MED12L: variants seen among roughly 807,000 people sequenced by gnomAD.
MED12L encodes the protein mediator complex subunit 12L.
Under a neutral mutation model 281.3 loss-of-function variants are expected in MED12L, and 60 were observed. The observed-to-expected ratio is 0.21, with a 90% confidence interval of 0.17 to 0.26. MED12L has a LOEUF of 0.26. MED12L is among the 10% of genes least tolerant of loss of function. The pLI is 1.00. For synonymous variants in MED12L, 974 were observed against 987.2 expected, an observed-to-expected ratio of 0.99 and a Z score of 0.25; for missense variants, 2,146 against 2,680.9, an observed-to-expected ratio of 0.80 and a Z score of 4.41.
intron 16 of MED12L, chr3:151,198,568 C>T (rs753739105): frequency 1.4e-5 from 23 of 1,613,852 alleles, no homozygotes; most frequent in Non-Finnish European, 1.9e-5. Flanking sequence ...TCGACACAGC[C>T]AGGAGCAGTG....
rs1371518307 is a variant in MED12L, at chr3:151,368,137, C to G, written c.3449-13C>G. 6 of 1,609,524 alleles carry G rather than the reference C, an allele frequency of 3.7e-6. No individual in the cohort carries two copies. The highest frequency in any genetic ancestry group is 5.1e-6 in the Non-Finnish European group (6 of 1,176,238). ...GTGTTAGAAAACTTGCTTTTCCAAT[C>G]CCCCTTTCCTAGCTTGTGGGGATGC... On this transcript the variant is annotated splice_polypyrimidine_tract_variant and intron_variant, in intron 24 of 44. Coordinates refer to ENST00000687756, the MANE Select transcript of MED12L (RefSeq NM_001393769.1).
intron 11 of MED12L, among the ~76,000 whole-genome samples, chr3:151,175,235 A>G (rs754944202): frequency 9.2e-5 from 14 of 152,166 alleles, no homozygotes; most frequent in Non-Finnish European, 1.9e-4. Context: ...TAATATAACT[A>G]CACTACATAT....
chr3:151,246,213 T>G (rs1411200711), intron 16 of MED12L, among the ~76,000 whole-genome samples: 1 of 152,174 alleles, frequency 6.6e-6, no homozygotes, highest in Admixed American at 6.5e-5. Flanking sequence ...ATTTATAGAT[T>G]CAATGCCATC....
At chr3:151,218,502 A>G (rs763324569) in intron 16 of MED12L, among the ~76,000 whole-genome samples, 1 of 152,232 alleles carries the variant, frequency 6.6e-6, no homozygotes, top group Non-Finnish European at 1.5e-5. Context: ...GGCTTTAGGA[A>G]TATAAACAAT....
chr3:151,401,594 C>T (rs765253151), intron 39 of MED12L, among the ~76,000 whole-genome samples: 3 of 151,906 alleles, frequency 2.0e-5, no homozygotes, highest in Non-Finnish European at 2.9e-5. Context: ...TCAGGTTTTC[C>T]CTTTTGTAAA....
At chr3:151,326,888 G>A (rs1412394063) in intron 16 of MED12L, 2 of 152,108 alleles carry the variant, frequency 1.3e-5, no homozygotes, top group Admixed American at 6.5e-5. Context: ...AAGGATGCAA[G>A]AAAAAATACC....
intron 16 of MED12L, chr3:151,212,115 G>T (rs1727267388): frequency 6.6e-6 from 1 of 152,152 alleles, no homozygotes; most frequent in Non-Finnish European, 1.5e-5. Flanking sequence ...AGAAAAAATA[G>T]ACAGTATTAA....
At chr3:151,312,253 T>G (rs890878038) in intron 16 of MED12L, among the ~76,000 whole-genome samples, 1 of 152,234 alleles carries the variant, frequency 6.6e-6, no homozygotes, top group African/African-American at 2.4e-5. Flanking sequence ...GCCTACAGTC[T>G]AGAGGCAACA....
Position 151,123,084 on chromosome 3 carries a change from A to G in MED12L, c.396+110A>G, listed in dbSNP as rs1042486494. 8.5e-6 allele frequency: 8 copies of G among 941,818 alleles called. 1 individual carries two copies. The highest frequency in any genetic ancestry group is 3.8e-5 in the South Asian group (2 of 53,028). The allele number at this position is 941,818 out of a possible 1,614,324, so 58.3% of individuals were successfully genotyped here. A position where few individuals can be genotyped will look rare whatever the true frequency, so the allele number is the denominator to read the frequency against. On this transcript the variant is annotated intron_variant, in intron 4 of 44. Transcript: ENST00000687756. ...CAATTCTTTTTGAGACTGCAAGCCT[A>G]TTGGCAGGTTTGTGGTCCCAGGTGG...
Position 151,295,118 on chromosome 3 carries a change from A to G in MED12L, c.2251-54941A>G, listed in dbSNP as rs368070708. Reference sequence around the variant, plus strand: ...AATGAGATAAAGCACCGGCAAGACAATTGTGTCAAATTCATTGTGAAGGGT... The same window carrying G: ...AATGAGATAAAGCACCGGCAAGACAGTTGTGTCAAATTCATTGTGAAGGGT... On this transcript the variant is annotated intron_variant, in intron 16 of 44. Transcript: ENST00000687756. 2.2e-5 allele frequency: 35 copies of G among 1,613,358 alleles called. No homozygotes were observed. The highest frequency in any genetic ancestry group is 1.6e-4 in the Middle Eastern group (1 of 6,084).
chr3:151,229,618 A>G (rs983128398), intron 16 of MED12L, among the ~76,000 whole-genome samples: 2 of 151,534 alleles, frequency 1.3e-5, no homozygotes, highest in African/African-American at 4.9e-5. Flanking sequence ...AGCTGGGACT[A>G]CAGGCGCCCA....
intron 39 of MED12L, among the ~76,000 whole-genome samples, chr3:151,404,094 T>C (rs2108312080): frequency 6.6e-6 from 1 of 152,352 alleles, no homozygotes; most frequent in East Asian, 1.9e-4. Flanking sequence ...ACTGGCTTTT[T>C]AAAAAATGTT....
chr3:151,120,299 A>G (rs1376484255), intron 3 of MED12L, among the ~76,000 whole-genome samples: 1 of 152,150 alleles, frequency 6.6e-6, no homozygotes, highest in Non-Finnish European at 1.5e-5. Context: ...GCGGGAGTAC[A>G]CAACTCTATA....
chr3:151,287,498 G>A (rs371044926), intron 16 of MED12L, among the ~76,000 whole-genome samples: 1 of 152,148 alleles, frequency 6.6e-6, no homozygotes, highest in African/African-American at 2.4e-5. Flanking sequence ...GTATATGATG[G>A]TATTGTTAAG....
At chr3:151,382,808 C>A in intron 33 of MED12L, 63 bp downstream of exon 33, 1 of 1,308,588 alleles carries the variant, frequency 7.6e-7, no homozygotes, top group Non-Finnish European at 1.1e-6. Flanking sequence ...ATACCTCCAG[C>A]TTTCCACTTC....
intron 5 of MED12L, among the ~76,000 whole-genome samples, chr3:151,150,156 A>G (rs1718258439): frequency 6.6e-6 from 1 of 152,246 alleles, no homozygotes; most frequent in Non-Finnish European, 1.5e-5. Context: ...CAGAGGAATC[A>G]CTATCTGTGG....
chr3:151,337,656 T>A lies in MED12L; in HGVS notation c.2251-12403T>A, dbSNP rs1040519652. 8.6e-6 allele frequency: 6 copies of A among 698,020 alleles called. No individual in the cohort carries two copies. The Admixed American group carries it at 9.0e-5, about 11-fold the overall frequency. The allele number at this position is 698,020 out of a possible 1,614,324, so 43.2% of individuals were successfully genotyped here. A position where few individuals can be genotyped will look rare whatever the true frequency, so the allele number is the denominator to read the frequency against. On this transcript the variant is annotated intron_variant, in intron 16 of 44. Transcript: ENST00000687756. ...TTCTATATTTTAAGATAGCTTTTCA[T>A]ACTGGAAAGGTAAATGAAAATTGCT...
chr3:151,225,323 T>C (rs34157543), intron 16 of MED12L, among the ~76,000 whole-genome samples: 6,612 of 152,276 alleles, frequency 0.043, 180 homozygotes, highest in South Asian at 0.088. Flanking sequence ...ACGTATTGAG[T>C]CATTTATAAA....
intron 39 of MED12L, among the ~76,000 whole-genome samples, chr3:151,402,916 C>T (rs1397444819): frequency 6.6e-6 from 1 of 152,178 alleles, no homozygotes; most frequent in East Asian, 1.9e-4. Context: ...TCTTGCTGTC[C>T]CCTTTCTGTA....
Sources: gnomAD v4.1 joint callset for allele counts (sites outside exome capture counted in the v4.1 genomes callset) on GRCh38, gnomAD v4.1.1 for gene constraint, MANE v1.5 for transcripts, NCBI Gene and HGNC (gene_info 2026-07-23, HGNC 2026-07-21) for gene names.